SRPK2: variants seen among roughly 807,000 people sequenced by gnomAD.
The protein encoded by SRPK2 is SFRS protein kinase 2.
Under a neutral mutation model 90.8 loss-of-function variants are expected in SRPK2, and 21 were observed. The ratio of observed to expected loss-of-function variants is 0.23; its 90% CI spans 0.16 to 0.33. The LOEUF is 0.33. SRPK2 is among the 10% of genes least tolerant of loss of function. The pLI, the probability that SRPK2 is intolerant of heterozygous loss-of-function variation, is 1.00. For synonymous variants in SRPK2, 288 were observed against 311.1 expected, an observed-to-expected ratio of 0.93 and a Z score of 0.78; for missense variants, 620 against 869.0, an observed-to-expected ratio of 0.71 and a Z score of 3.60.
At chr7:105,311,705 A>C (rs1254003398) in intron 2 of SRPK2, among the ~76,000 whole-genome samples, 1 of 152,224 alleles carries the variant, frequency 6.6e-6, no homozygotes, top group Non-Finnish European at 1.5e-5. Context: ...GTAGGCAAGG[A>C]TGTAGAAAAC....
At chr7:105,166,527 C>T (rs1437424950) in intron 6 of SRPK2, among the ~76,000 whole-genome samples, 1 of 152,128 alleles carries the variant, frequency 6.6e-6, no homozygotes. Flanking sequence ...ATAGATGGAT[C>T]AATTATGGCC....
At chr7:105,160,730 C>A in intron 6 of SRPK2, 117 bp from the exon 7 acceptor site, 1 of 574,624 alleles carries the variant, frequency 1.7e-6, no homozygotes, top group East Asian at 2.8e-5. Context: ...ACAACATCAA[C>A]CCTATCAGTA....
chr7:105,120,653 T>TAA (rs202070803), intron 15 of SRPK2, among the ~76,000 whole-genome samples: 2 of 141,246 alleles, frequency 1.4e-5, no homozygotes, highest in Admixed American at 7.1e-5. Context: ...GAACCGCCTC[T>TAA]AAAAAAAAAA....
chr7:105,274,377 G>C (rs1230593927), intron 2 of SRPK2, among the ~76,000 whole-genome samples: 14 of 151,970 alleles, frequency 9.2e-5, no homozygotes, highest in Non-Finnish European at 2.9e-5. Flanking sequence ...GCCTGGCCAA[G>C]ATGGTGAAAC....
intron 2 of SRPK2, among the ~76,000 whole-genome samples, chr7:105,289,197 C>T (rs1808611294): frequency 6.6e-6 from 1 of 151,346 alleles, no homozygotes; most frequent in Admixed American, 6.6e-5. Context: ...TGGCGTGAAC[C>T]CAGGAGGTGG....
In SRPK2 at chr7:105,220,413, T is replaced by G. The variant is rs528280273; in HGVS notation, c.72-16628A>C. On this transcript the variant is annotated intron_variant, in intron 2 of 15. Transcript: ENST00000393651. ...GTGGTGGCGCACACCTGTATCCCAGTTACTCAGGAAGCTGAGGCAGGAGAA... is the reference window on the plus strand; with the variant it reads ...GTGGTGGCGCACACCTGTATCCCAGGTACTCAGGAAGCTGAGGCAGGAGAA... Among the ~76,000 whole-genome samples the G allele has an allele frequency of 4.7e-4, 72 of 152,088 alleles. 1 individual carries two copies. The highest frequency in any genetic ancestry group is 6.8e-3 in the Middle Eastern group (2 of 294).
chr7:105,204,572 A>G (rs1795964180), intron 2 of SRPK2: 1 of 475,396 alleles, frequency 2.1e-6, no homozygotes, highest in Non-Finnish European at 4.0e-6. Flanking sequence ...CCCACTAATA[A>G]AACTACCACT....
At chr7:105,389,808 A>G (rs1822100046), upstream of SRPK2, among the ~76,000 whole-genome samples, 1 of 152,244 alleles carries the variant, frequency 6.6e-6, no homozygotes, top group African/African-American at 2.4e-5. Flanking sequence ...TCTCTTATTT[A>G]TGTAAATAAT....
chr7:105,247,105 C>T (rs1801773238), intron 2 of SRPK2, among the ~76,000 whole-genome samples: 1 of 152,180 alleles, frequency 6.6e-6, no homozygotes, highest in Non-Finnish European at 1.5e-5. Context: ...GAAATCCAAA[C>T]CATGCTTCCA....
intron 2 of SRPK2, among the ~76,000 whole-genome samples, chr7:105,205,547 A>T (rs866066338): frequency 0.043 from 6,416 of 149,192 alleles, 495 homozygotes; most frequent in African/African-American, 0.15. Flanking sequence ...ACACACACAC[A>T]CACACACACA....
chr7:105,298,193 C>G (rs1301416698), intron 2 of SRPK2, among the ~76,000 whole-genome samples: 4 of 152,212 alleles, frequency 2.6e-5, no homozygotes, highest in Admixed American at 6.5e-5. Context: ...CCTCTCCCAC[C>G]TCTACCTCTT....
chr7:105,205,517 TCACACACACACACA>T (rs543121144), intron 2 of SRPK2, among the ~76,000 whole-genome samples: 7,707 of 95,604 alleles, frequency 0.081, 305 homozygotes, highest in Non-Finnish European at 0.11. Context: ...TCTCTCTCTC[TCACACACACACACA>T]CACACACACA....
chr7:105,167,786 T>A (rs1790273019), intron 5 of SRPK2, among the ~76,000 whole-genome samples: 1 of 152,028 alleles, frequency 6.6e-6, no homozygotes, highest in Non-Finnish European at 1.5e-5. Flanking sequence ...ATTTTTTATA[T>A]TTTTAGCAGA....
At chr7:105,149,553 G>A (rs1199130253) in intron 7 of SRPK2, among the ~76,000 whole-genome samples, 7 of 152,266 alleles carry the variant, frequency 4.6e-5, no homozygotes, top group East Asian at 3.9e-4. Flanking sequence ...CCAGTCCCCT[G>A]GGCCCACTGT....
intron 2 of SRPK2, among the ~76,000 whole-genome samples, chr7:105,244,154 T>G (rs1801240303): frequency 6.6e-6 from 1 of 152,158 alleles, no homozygotes. Context: ...CTGTAGTAGG[T>G]GGAGACCCCA....
chr7:105,309,703 T>G (rs1470162582), intron 2 of SRPK2, among the ~76,000 whole-genome samples: 3 of 152,144 alleles, frequency 2.0e-5, no homozygotes, highest in Non-Finnish European at 4.4e-5. Context: ...GAGACTTTCA[T>G]GTAAAATATC....
rs76305710 is a variant in SRPK2, at chr7:105,145,461, T to G, written c.788-153A>C. Among the ~76,000 whole-genome samples the G allele has an allele frequency of 8.5e-3, 1,293 of 152,316 alleles. 17 individuals are homozygous for G. Among genetic ancestry groups the G allele is most frequent in the African/African-American group, 0.03 (1,239 of 41,570 alleles). ...TCAGAGCTTCTTAATCACAAGGATC[T>G]AGAGTAAGTTTATGCCACTGAAACA... On this transcript the variant is annotated intron_variant, in intron 8 of 15. Coordinates refer to ENST00000393651, the MANE Select transcript of SRPK2 (RefSeq NM_182692.3).
At chr7:105,136,464 A>G (rs1802819848) in intron 11 of SRPK2, among the ~76,000 whole-genome samples, 2 of 152,190 alleles carry the variant, frequency 1.3e-5, no homozygotes, top group Admixed American at 6.5e-5. Context: ...CTTCCTTCCA[A>G]AATGAAAAGC....
intron 2 of SRPK2, among the ~76,000 whole-genome samples, chr7:105,331,325 A>AAAAAAAC (rs1814339979): frequency 7.4e-6 from 1 of 134,458 alleles, no homozygotes; most frequent in African/African-American, 2.5e-5. Context: ...AAAAAAAAAA[A>AAAAAAAC]AAAAAAAAAA....
Sources: gnomAD v4.1 joint callset for allele counts (sites outside exome capture counted in the v4.1 genomes callset) on GRCh38, gnomAD v4.1.1 for gene constraint, MANE v1.5 for transcripts, NCBI Gene and HGNC (gene_info 2026-07-23, HGNC 2026-07-21) for gene names.